The following SLC13A3 variants were observed in gnomAD, a reference collection of about 807,000 sequenced individuals.
SLC13A3 encodes solute carrier family 13 member 3.
Under a neutral mutation model 59.0 loss-of-function variants are expected in SLC13A3, and 40 were observed. That is an observed-to-expected ratio of 0.68 (90% CI 0.53 to 0.88). The LOEUF (loss-of-function observed/expected upper bound fraction) is 0.88, where lower values mean the gene tolerates loss of function less well. SLC13A3 is among the 40% of genes least tolerant of loss of function. The pLI is 0.00. For missense variants in SLC13A3, 699 were observed against 783.2 expected (o/e 0.89, Z 1.28); for synonymous variants, 317 against 330.3 (o/e 0.96, Z 0.44).
Position 46,610,456 on chromosome 20 carries a change from T to C in SLC13A3, c.531A>G (p.Glu177=). Residue 177 remains glutamate, a synonymous_variant, in exon 3 of 13, where the codon GAA becomes GAG. Transcript: ENST00000279027. The part of the protein sequence containing the change: ...EVRKDPSQES[E]ENTAAVRRNG... ...TTAGCACAGCCTCACCTGTGTTCTC[T>C]TCACTCTCCTGGCTGGGGTCCTTTC... is the stretch of plus-strand genomic sequence containing the variant. The C allele has an allele frequency of 6.2e-7, 1 of 1,613,168 alleles. No individual in the cohort carries two copies. Among genetic ancestry groups the C allele is most frequent in the Non-Finnish European group, 8.5e-7 (1 of 1,179,472 alleles).
chr20:46,664,476 C>T (rs183614083), intron 1 of SLC13A3, among the ~76,000 whole-genome samples: 1 of 152,300 alleles, frequency 6.6e-6, no homozygotes, highest in East Asian at 1.9e-4. Context: ...TCAGACATAC[C>T]TTTCACCATG....
At chr20:46,563,640 G>C in intron 11 of SLC13A3, 89 bp from the exon 12 acceptor site, 1 of 1,263,154 alleles carries the variant, frequency 7.9e-7, no homozygotes, top group Non-Finnish European at 1.1e-6. Flanking sequence ...GAGGCAGTTG[G>C]AAAGAGGGAC....
upstream of SLC13A3, among the ~76,000 whole-genome samples, chr20:46,674,617 G>GTGTGTGTGTGTGTGTGTT (rs2063113472): frequency 6.6e-6 from 1 of 151,642 alleles, no homozygotes; most frequent in Admixed American, 6.6e-5. Flanking sequence ...GTGTGTGTGT[G>GTGTGTGTGTGTGTGTGTT]TGTGTGTGTG....
At chr20:46,644,106 G>C (rs982010175) in intron 1 of SLC13A3, among the ~76,000 whole-genome samples, 5 of 152,160 alleles carry the variant, frequency 3.3e-5, no homozygotes, top group Non-Finnish European at 1.5e-5. Flanking sequence ...TCCCTGGAGA[G>C]GGGGATGGAA....
chr20:46,617,945 A>G (rs2062577673), intron 1 of SLC13A3, among the ~76,000 whole-genome samples: 1 of 152,224 alleles, frequency 6.6e-6, no homozygotes, highest in African/African-American at 2.4e-5. Context: ...CACCAGACCA[A>G]CAGGTATCCC....
rs748511332 is a variant in SLC13A3 at position 46,560,044 on chromosome 20, T to G, written c.1787A>C (p.Asn596Thr). The part of the protein sequence containing the change: ...NVTALPPTLA[N>T]DTFRTL ...GACTCAGAGGGTCCGAAATGTGTCA[T>G]TGGCCAAGGTGGGTGGCAATGCTGT... The change falls in exon 13 of 13, where the codon AAT becomes ACT. Residue 596 changes from asparagine (N) to threonine (T), a missense_variant. Physicochemically the swap from Asn to Thr is moderately conservative, Grantham distance 65. Coordinates refer to ENST00000279027, the MANE Select transcript of SLC13A3 (RefSeq NM_022829.6). 6.2e-7 allele frequency: 1 copy of G among 1,614,098 alleles called. No homozygotes were observed. The highest frequency in any genetic ancestry group is 8.5e-7 in the Non-Finnish European group (1 of 1,180,008).
At chr20:46,679,733 C>T (rs1331028942) in intron 1 of SLC13A3, among the ~76,000 whole-genome samples, 1 of 152,034 alleles carries the variant, frequency 6.6e-6, no homozygotes, top group Non-Finnish European at 1.5e-5. Context: ...ATGGTGATAT[C>T]CCCGTCTTCA....
At chr20:46,606,743 A>G (rs951028169) in intron 3 of SLC13A3, among the ~76,000 whole-genome samples, 1 of 152,188 alleles carries the variant, frequency 6.6e-6, no homozygotes, top group Non-Finnish European at 1.5e-5. Context: ...CTTACTGGCC[A>G]AGGAACATTG....
At chr20:46,565,530 C>T (rs899638714) in intron 11 of SLC13A3, among the ~76,000 whole-genome samples, 1 of 152,072 alleles carries the variant, frequency 6.6e-6, no homozygotes, top group Non-Finnish European at 1.5e-5. Context: ...CACCATGTTG[C>T]CCAGGCTAGT....
intron 10 of SLC13A3, among the ~76,000 whole-genome samples, chr20:46,567,841 T>A (rs2146083958): frequency 6.6e-6 from 1 of 152,298 alleles, no homozygotes; most frequent in Admixed American, 6.5e-5. Flanking sequence ...ATATGCTCAA[T>A]GCTGTCCCCT....
chr20:46,620,758 C>T (rs565237150), intron 1 of SLC13A3, among the ~76,000 whole-genome samples: 1 of 152,266 alleles, frequency 6.6e-6, no homozygotes, highest in African/African-American at 2.4e-5. Context: ...CCACAGACAT[C>T]TCAACTGGTT....
chr20:46,683,521 T>C (rs1317516570), intron 1 of SLC13A3, among the ~76,000 whole-genome samples: 3 of 152,216 alleles, frequency 2.0e-5, no homozygotes, highest in African/African-American at 7.2e-5. Context: ...ATGGCACACC[T>C]GGGTCCAACC....
rs558624832 is a variant in SLC13A3 at position 46,582,594 on chromosome 20, C to A, written c.1219+978G>T. ...CCCCAGCCTGGGTGACAGAGTGAGA[C>A]CCCATTAAAAAAAAAAGAAGAAGAA... On this transcript the variant is annotated intron_variant, in intron 9 of 12. Coordinates refer to ENST00000279027, the MANE Select transcript of SLC13A3 (RefSeq NM_022829.6). 11 of 974,234 alleles carry A rather than the reference C, an allele frequency of 1.1e-5. No homozygotes were observed. In the East Asian group the frequency reaches 1.2e-3, roughly 103 times the overall value. 60.3% of individuals were successfully genotyped at this position (974,234 alleles called of 1,614,324 possible). A position where few individuals can be genotyped will look rare whatever the true frequency, so the allele number is the denominator to read the frequency against.
chr20:46,646,194 G>T (rs754490419), intron 1 of SLC13A3, among the ~76,000 whole-genome samples: 3 of 152,182 alleles, frequency 2.0e-5, no homozygotes, highest in Non-Finnish European at 4.4e-5. Flanking sequence ...AAACTCAAGG[G>T]CCTCTCTCAC....
intron 1 of SLC13A3, chr20:46,670,034 A>T (rs1230592503): frequency 6.6e-6 from 1 of 152,214 alleles, no homozygotes; most frequent in African/African-American, 2.4e-5. Flanking sequence ...TAAATAAAAA[A>T]TTGATTACCT....
intron 3 of SLC13A3, among the ~76,000 whole-genome samples, chr20:46,604,841 G>T (rs960590930): frequency 6.6e-6 from 1 of 152,214 alleles, no homozygotes; most frequent in African/African-American, 2.4e-5. Context: ...AGCACACTAA[G>T]GTTGGGGGCA....
chr20:46,592,121 G>A (rs2062264636), intron 6 of SLC13A3, among the ~76,000 whole-genome samples: 1 of 152,152 alleles, frequency 6.6e-6, no homozygotes, highest in African/African-American at 2.4e-5. Flanking sequence ...GCTGAGGCCA[G>A]AGGAACACTG....
At chr20:46,608,411 G>T (rs2062456971) in intron 3 of SLC13A3, among the ~76,000 whole-genome samples, 2 of 152,182 alleles carry the variant, frequency 1.3e-5, no homozygotes, top group Admixed American at 1.3e-4. Context: ...CACAAAGCCT[G>T]CAGTATTTAC....
chr20:46,606,956 C>T (rs1267025930), intron 3 of SLC13A3, among the ~76,000 whole-genome samples: 5 of 152,340 alleles, frequency 3.3e-5, no homozygotes, highest in African/African-American at 7.2e-5. Context: ...AAGGCAACAG[C>T]GCTGCCCTCC....
Sources: gnomAD v4.1 joint callset for allele counts (sites outside exome capture counted in the v4.1 genomes callset) on GRCh38, gnomAD v4.1.1 for gene constraint, MANE v1.5 for transcripts, NCBI Gene and HGNC (gene_info 2026-07-23, HGNC 2026-07-21) for gene names.